The following NTN4 variants were observed in gnomAD, a reference collection of about 807,000 sequenced individuals.
NTN4 encodes netrin-4.
A neutral mutation model predicts 73.6 loss-of-function variants in NTN4; 32 were observed. The observed-to-expected ratio is 0.44, with a 90% CI of 0.33 to 0.58. NTN4 has a LOEUF of 0.58. Ranked by LOEUF, NTN4 falls within the 20% of genes least tolerant of loss-of-function variation. NTN4 has a pLI of 0.04. For missense variants in NTN4, 654 were observed against 798.3 expected (o/e 0.82, Z 2.18); for synonymous variants, 258 against 287.5 (o/e 0.90, Z 1.04).
At chr12:95,731,032 T>C (rs957528756) in intron 3 of NTN4, among the ~76,000 whole-genome samples, 1 of 152,208 alleles carries the variant, frequency 6.6e-6, no homozygotes, top group Non-Finnish European at 1.5e-5. Context: ...CCTCCAAAGA[T>C]AGTCACTTCT....
At chr12:95,767,174 C>T (rs2121259598) in intron 2 of NTN4, among the ~76,000 whole-genome samples, 1 of 152,218 alleles carries the variant, frequency 6.6e-6, no homozygotes, top group Middle Eastern at 3.4e-3. Flanking sequence ...CCCCTCACCA[C>T]ACCACCCTCT....
At chr12:95,660,626 G>A (rs1053189110) in intron 9 of NTN4, among the ~76,000 whole-genome samples, 3 of 152,096 alleles carry the variant, frequency 2.0e-5, no homozygotes, top group Non-Finnish European at 4.4e-5. Context: ...CTTAGTTAAT[G>A]TTTGTAATAA....
At chr12:95,682,448 GT>G in intron 7 of NTN4, among the ~76,000 whole-genome samples, 1 of 139,398 alleles carries the variant, frequency 7.2e-6, no homozygotes, top group South Asian at 2.3e-4. Context: ...TTACTATGAT[GT>G]TTTGCATTTT....
chr12:95,784,494 C>T (rs1013730941), intron 2 of NTN4, among the ~76,000 whole-genome samples: 5 of 152,096 alleles, frequency 3.3e-5, no homozygotes, highest in Admixed American at 6.5e-5. Context: ...TGAGGCCGGG[C>T]GCAGTGACTC....
intron 2 of NTN4, among the ~76,000 whole-genome samples, chr12:95,741,820 A>G (rs2078829279): frequency 6.6e-6 from 1 of 151,864 alleles, no homozygotes; most frequent in African/African-American, 2.4e-5. Flanking sequence ...TTTTTGGACC[A>G]TGGTTGATGG....
At chr12:95,697,760 C>A (rs2078453256) in intron 5 of NTN4, among the ~76,000 whole-genome samples, 1 of 150,374 alleles carries the variant, frequency 6.7e-6, no homozygotes, top group East Asian at 2.0e-4. Flanking sequence ...TAATACAGTT[C>A]TTTGGATCTT....
In NTN4 at chr12:95,714,421, AAC is replaced by A. The variant is rs1178331407; in HGVS notation, c.865-1085_865-1084del. On this transcript the variant is annotated intron_variant, in intron 3 of 9. Transcript: ENST00000343702. ...TTCCTTGAGAAACAGTGTTAAAGGT[AAC>A]ATAAAGGTAACAAATTATATCAACT... is the stretch of plus-strand genomic sequence containing the variant. Among the ~76,000 whole-genome samples the A allele has an allele frequency of 3.5e-4, 53 of 151,776 alleles. 1 individual carries two copies. Among genetic ancestry groups the A allele is most frequent in the Admixed American group, 2.8e-3 (43 of 15,262 alleles).
intron 7 of NTN4, among the ~76,000 whole-genome samples, chr12:95,677,717 A>C (rs1171809691): frequency 6.6e-6 from 1 of 152,230 alleles, no homozygotes; most frequent in Non-Finnish European, 1.5e-5. Flanking sequence ...GAGAAATAGG[A>C]ATGCATTTAC....
At chr12:95,713,107 T>G (rs2078577374) in intron 4 of NTN4, 105 bp downstream of exon 4, 1 of 1,390,720 alleles carries the variant, frequency 7.2e-7, no homozygotes. Context: ...GGGTCTAGTG[T>G]TTGTCACCCA....
intron 8 of NTN4, among the ~76,000 whole-genome samples, chr12:95,668,425 G>C (rs2078199756): frequency 6.6e-6 from 1 of 152,000 alleles, no homozygotes. Context: ...AATAGTCAAT[G>C]CCATTCCCTC....
At chr12:95,692,869 G>T (rs1318812277) in intron 5 of NTN4, among the ~76,000 whole-genome samples, 1 of 152,128 alleles carries the variant, frequency 6.6e-6, no homozygotes, top group East Asian at 1.9e-4. Flanking sequence ...TTATTTACAA[G>T]ACTTTGTGAA....
chr12:95,737,042 C>T lies in NTN4; in HGVS notation c.864+824G>A, dbSNP rs977083869. On this transcript the variant is annotated intron_variant, in intron 3 of 9. Transcript: ENST00000343702. ...AAAATAGAAAATCAAATAATTGGAG[C>T]GCTCATCCTTATTTTCTCCTTGCCC... 4.6e-5 allele frequency among the ~76,000 whole-genome samples: 7 copies of T among 152,184 alleles called. No individual in the cohort carries two copies. In the East Asian group the frequency reaches 7.7e-4, roughly 17 times the overall value.
intron 2 of NTN4, among the ~76,000 whole-genome samples, chr12:95,750,791 G>T (rs2078900949): frequency 6.6e-6 from 1 of 152,034 alleles, no homozygotes; most frequent in Non-Finnish European, 1.5e-5. Context: ...GCCGAGCTAG[G>T]TCCCAATTCT....
chr12:95,714,127 T>G (rs2078588330), intron 3 of NTN4, among the ~76,000 whole-genome samples: 1 of 152,116 alleles, frequency 6.6e-6, no homozygotes, highest in Non-Finnish European at 1.5e-5. Flanking sequence ...AAATAGTATT[T>G]CTCCCAGAGA....
chr12:95,699,932 G>A (rs1405928030), intron 5 of NTN4, among the ~76,000 whole-genome samples: 1 of 152,134 alleles, frequency 6.6e-6, no homozygotes, highest in South Asian at 2.1e-4. Context: ...GAAAGACTAT[G>A]TAATAGTTTA....
At chr12:95,741,362 A>C (rs2121187285) in intron 2 of NTN4, among the ~76,000 whole-genome samples, 1 of 144,226 alleles carries the variant, frequency 6.9e-6, no homozygotes, top group Admixed American at 7.0e-5. Context: ...TAATTCATTT[A>C]TAAATTAAAC....
At chr12:95,700,402 C>T (rs756992430) in intron 5 of NTN4, among the ~76,000 whole-genome samples, 10 of 152,018 alleles carry the variant, frequency 6.6e-5, no homozygotes, top group South Asian at 6.2e-4. Context: ...GATTTCTGTC[C>T]GGACGCCCTG....
chr12:95,769,614 T>C (rs1032297642), intron 2 of NTN4, among the ~76,000 whole-genome samples: 2 of 150,704 alleles, frequency 1.3e-5, no homozygotes, highest in Non-Finnish European at 3.0e-5. Flanking sequence ...AAGAGCTGGA[T>C]TGGTACAGGT....
chr12:95,741,461 ATAT>A (rs2078825439), intron 2 of NTN4, among the ~76,000 whole-genome samples: 2 of 121,194 alleles, frequency 1.7e-5, no homozygotes. Context: ...ATATATATAT[ATAT>A]ATATATATAT....
Sources: allele counts gnomAD v4.1 joint callset (sites outside exome capture counted in the v4.1 genomes callset), GRCh38; gene constraint gnomAD v4.1.1; transcripts MANE v1.5; gene names NCBI Gene and HGNC (gene_info 2026-07-23, HGNC 2026-07-21).